Variants in PTPRB observed in about 807,000 individuals in gnomAD.
The protein encoded by PTPRB is receptor-type tyrosine-protein phosphatase beta.
In PTPRB, 97 loss-of-function variants were observed where a neutral mutation model predicts 238.1. That is an observed-to-expected ratio of 0.41 (90% CI 0.35 to 0.48). The LOEUF is 0.48. PTPRB is among the 20% of genes least tolerant of loss of function. The pLI is 0.30. For synonymous variants in PTPRB, 970 were observed against 995.4 expected (o/e 0.97, Z 0.48); for missense variants, 2,292 against 2,681.9 (o/e 0.85, Z 3.21).
At position 70,560,952 on chromosome 12, in the gene PTPRB, T is replaced by C. The variant is rs938060132; in HGVS notation, c.4169-18A>G. 4 of 1,606,420 alleles carry C rather than the reference T, an allele frequency of 2.5e-6. No individual in the cohort carries two copies. The highest frequency in any genetic ancestry group is 2.2e-5 in the South Asian group (2 of 90,710). The stretch of plus-strand genomic sequence containing the variant: ...GGCTGGGACTTAAACAGAAGAAAAA[T>C]TGTTACTGAGAACAAAACAGAAACA... On this transcript the variant is annotated intron_variant, in intron 16 of 33. Transcript: ENST00000334414. The surrounding 1 kb of genome is among the most constrained non-coding windows in gnomAD (Gnocchi z 4.2).
chr12:70,547,016 T>TG (rs1210496569), intron 21 of PTPRB, among the ~76,000 whole-genome samples: 7 of 151,922 alleles, frequency 4.6e-5, no homozygotes, highest in African/African-American at 7.3e-5. Context: ...TCCTTTTTTT[T>TG]TTTGTTTTTG....
intron 21 of PTPRB, among the ~76,000 whole-genome samples, chr12:70,546,280 C>T (rs1280875746): frequency 1.3e-5 from 2 of 152,152 alleles, no homozygotes; most frequent in Admixed American, 6.5e-5. Context: ...AGGAGAGTTG[C>T]TGAGGTGGCT....
rs1040280807 is a variant in PTPRB at position 70,519,209 on chromosome 12, C to T, written c.*2280G>A. On this transcript the variant is annotated 3_prime_UTR_variant, in exon 34 of 34. Transcript: ENST00000334414. ...TACTACCCTAGATGTTGCCAGAGTA[C>T]GTGAGTGTTATTTACTATTACAGAT... 6 of 152,066 alleles carry T rather than the reference C, an allele frequency of 3.9e-5. No homozygotes were observed. Among genetic ancestry groups the T allele is most frequent in the African/African-American group, 9.7e-5 (4 of 41,384 alleles). The allele number at this position is 152,066 out of a possible 1,614,324, so 9.4% of individuals were successfully genotyped here. A position where few individuals can be genotyped will look rare whatever the true frequency, so the allele number is the denominator to read the frequency against.
At chr12:70,566,195 G>A (rs909077434) in intron 15 of PTPRB, among the ~76,000 whole-genome samples, 13 of 152,188 alleles carry the variant, frequency 8.5e-5, no homozygotes, top group African/African-American at 3.1e-4. Context: ...GTTTATTATA[G>A]CAGCAATAGG....
At chr12:70,529,633 ATAAT>A (rs1489972363) in intron 32 of PTPRB, among the ~76,000 whole-genome samples, 58 of 151,840 alleles carry the variant, frequency 3.8e-4, no homozygotes, top group East Asian at 1.9e-4. Flanking sequence ...CTGAAGGATA[ATAAT>A]TAATAAGAAG....
chr12:70,585,290 A>C (rs1440827742), intron 9 of PTPRB: 1 of 152,102 alleles, frequency 6.6e-6, no homozygotes. Flanking sequence ...TTTGCTTCCA[A>C]TTACACTGAA....
Position 70,573,505 on chromosome 12 carries a change from C to CT in PTPRB, c.2843-1419dup, listed in dbSNP as rs937307862. Among the ~76,000 whole-genome samples, 675 of 90,768 alleles carry CT rather than the reference C, an allele frequency of 7.4e-3. 7 individuals carry two copies. The highest frequency in any genetic ancestry group is 0.012 in the African/African-American group (299 of 24,640). 59.5% of individuals were successfully genotyped at this position (90,768 alleles called of 152,430 possible). On this transcript the variant is annotated intron_variant, in intron 11 of 33. Transcript: ENST00000334414. ...CATGGTTTCTTTTTTCTTTTCTTTT[C>CT]TTTTTTTTTTTTTTTTTTTGAGACA...
chr12:70,570,567 T>G (rs1410574140), intron 13 of PTPRB, among the ~76,000 whole-genome samples: 2 of 152,188 alleles, frequency 1.3e-5, no homozygotes, highest in East Asian at 3.9e-4. Flanking sequence ...CAGGCTGTGC[T>G]TGAACTCCTG....
At position 70,563,077 on chromosome 12, in the gene PTPRB, G is replaced by T. The variant is rs771318252; in HGVS notation, c.3935C>A (p.Thr1312Lys). The change falls in exon 16 of 34, where the codon ACA becomes AAA. Residue 1312 changes from threonine (T) to lysine (K), a missense_variant. Thr to Lys is a moderately conservative substitution (Grantham distance 78). Coordinates refer to ENST00000334414, the MANE Select transcript of PTPRB (RefSeq NM_001109754.4). ...GGACAGGTGCCTGGTGGAGTTCTCT[G>T]TGATCCTCAGGTCGGTGACAGCTGC... ...VPAAVTDLRI[T>K]ENSTRHLSFR... 1.2e-6 allele frequency: 2 copies of T among 1,613,484 alleles called. No individual in the cohort carries two copies. Among genetic ancestry groups the T allele is most frequent in the South Asian group, 2.2e-5 (2 of 90,974 alleles).
chr12:70,604,874 A>G (rs1193945474), intron 4 of PTPRB, among the ~76,000 whole-genome samples: 4 of 152,198 alleles, frequency 2.6e-5, no homozygotes, highest in African/African-American at 9.7e-5. Flanking sequence ...AGAAGAAACT[A>G]AACCTGCAGA....
At position 70,587,042 on chromosome 12, in the gene PTPRB, T is replaced by C. The variant is rs779861429; in HGVS notation, c.2276A>G (p.Asp759Gly). 8.7e-6 allele frequency: 14 copies of C among 1,613,762 alleles called. No individual in the cohort carries two copies. The highest frequency in any genetic ancestry group is 1.2e-5 in the Non-Finnish European group (14 of 1,179,718). Residue 759 changes from aspartate (D) to glycine (G), a missense_variant, in exon 9 of 34, where the codon GAC becomes GGC. Physicochemically the swap from Asp to Gly is moderately conservative, Grantham distance 94. Around this residue, in one of 4 missense-constraint regions of PTPRB, gnomAD observed 1,205 missense variants for 1,287.8 expected, o/e 0.94. Coordinates refer to ENST00000334414, the MANE Select transcript of PTPRB (RefSeq NM_001109754.4). ...TTTTACTGAAGAGGAATTTTTTAAG[T>C]CTCCACTAATACTGGTGACTGTAGC... ...YMATVTSISG[D>G]LKNSSSVKGR...
chr12:70,531,926 C>A (rs1299176872), intron 32 of PTPRB, 109 bp downstream of exon 32: 1 of 1,276,754 alleles, frequency 7.8e-7, no homozygotes, highest in African/African-American at 1.5e-5. Context: ...TTTTCTCTTC[C>A]TAATGTGTCA....
chr12:70,574,599 G>A (rs1266564552), intron 11 of PTPRB, among the ~76,000 whole-genome samples: 1 of 152,194 alleles, frequency 6.6e-6, no homozygotes, highest in Admixed American at 6.5e-5. Context: ...GTGGAGACCT[G>A]CCTTGCTACA....
chr12:70,587,419 C>G (rs1232121376), intron 8 of PTPRB, among the ~76,000 whole-genome samples, 152 bp from the exon 9 acceptor site: 2 of 152,134 alleles, frequency 1.3e-5, no homozygotes, highest in African/African-American at 4.8e-5. Context: ...AATCTTATCA[C>G]AAAAAACTTT....
chr12:70,565,965 G>C (rs750424104), intron 15 of PTPRB, among the ~76,000 whole-genome samples: 3 of 152,150 alleles, frequency 2.0e-5, no homozygotes, highest in Admixed American at 6.5e-5. Flanking sequence ...CCCATGCAGA[G>C]ATTGGAGCAA....
Position 70,541,189 on chromosome 12 carries a change from T to C in PTPRB, c.5495-232A>G, listed in dbSNP as rs781647864. The C allele has an allele frequency of 4.2e-4, 176 of 421,820 alleles. 1 individual carries two copies. In the Middle Eastern group the frequency reaches 8.0e-3, roughly 19 times the overall value. 26.1% of individuals were successfully genotyped at this position (421,820 alleles called of 1,614,324 possible). A position where few individuals can be genotyped will look rare whatever the true frequency, so the allele number is the denominator to read the frequency against. On this transcript the variant is annotated intron_variant, in intron 22 of 33. Transcript: ENST00000334414. ...GAGGCCAGGTGTCACTGCATACTTT[T>C]GAAGTTAATGTTGCATAGCTTATAG...
chr12:70,585,712 A>G (rs1881837042), intron 9 of PTPRB, among the ~76,000 whole-genome samples: 1 of 152,108 alleles, frequency 6.6e-6, no homozygotes, highest in African/African-American at 2.4e-5. Flanking sequence ...TTTGTTACAT[A>G]GGTATACATG....
At position 70,622,696 on chromosome 12, in the gene PTPRB, T is replaced by C. The variant is rs1253147047; in HGVS notation, c.452-50A>G. Reference sequence around the variant, plus strand: ...AAAGATTATTCTCATGTTTTATGAATTCTTCACATAAAATCAATTTTACTT... The same window carrying C: ...AAAGATTATTCTCATGTTTTATGAACTCTTCACATAAAATCAATTTTACTT... On this transcript the variant is annotated intron_variant, in intron 2 of 33. Coordinates refer to ENST00000334414, the MANE Select transcript of PTPRB (RefSeq NM_001109754.4). 8 of 1,489,904 alleles carry C rather than the reference T, an allele frequency of 5.4e-6. No homozygotes were observed. The East Asian group carries it at 2.0e-4, about 37-fold the overall frequency. 92.3% of individuals were successfully genotyped at this position (1,489,904 alleles called of 1,614,324 possible). A position where few individuals can be genotyped will look rare whatever the true frequency, so the allele number is the denominator to read the frequency against.
intron 22 of PTPRB, 198 bp from the exon 23 acceptor site, chr12:70,541,155 T>G: frequency 1.8e-6 from 1 of 544,862 alleles, no homozygotes; most frequent in Non-Finnish European, 3.2e-6. Context: ...GCTCCCACCC[T>G]GTAGCAGTGA....
Sources: gnomAD v4.1 joint callset for allele counts (sites outside exome capture counted in the v4.1 genomes callset) on GRCh38, gnomAD v4.1.1 for gene constraint, gnomAD v4.1.1 regional missense constraint, Gnocchi (gnomAD v3.1) non-coding constraint, MANE v1.5 for transcripts, NCBI Gene and HGNC (gene_info 2026-07-23, HGNC 2026-07-21) for gene names.